The following LYPLAL1 variants were observed in gnomAD, a reference collection of about 807,000 sequenced individuals.
LYPLAL1 encodes the protein lysophospholipase like 1.
Under a neutral mutation model 19.7 loss-of-function variants are expected in LYPLAL1, and 23 were observed. That is an observed-to-expected ratio of 1.17 (90% CI 0.84 to 1.65). The LOEUF is 1.65. LYPLAL1 is among the 40% of genes most tolerant of loss of function. LYPLAL1 has a pLI of 0.00. For synonymous variants in LYPLAL1, 119 were observed against 96.3 expected, an observed-to-expected ratio of 1.24 and a Z score of -1.38; for missense variants, 355 against 279.4, an observed-to-expected ratio of 1.27 and a Z score of -1.93.
chr1:219,405,006 A>T, the LYPLAL1 span, among the ~76,000 whole-genome samples: 2 of 152,366 alleles, frequency 1.3e-5, no homozygotes, highest in East Asian at 3.9e-4. Flanking sequence ...CATAGATAGT[A>T]ACTTTCACCT....
the LYPLAL1 span, among the ~76,000 whole-genome samples, chr1:219,258,032 T>C: frequency 1.3e-5 from 2 of 152,014 alleles, no homozygotes; most frequent in Non-Finnish European, 2.9e-5. Flanking sequence ...ACATGTCTGT[T>C]TATAGGCTCT....
chr1:219,344,203 T>C, the LYPLAL1 span, among the ~76,000 whole-genome samples: 1 of 152,188 alleles, frequency 6.6e-6, no homozygotes, highest in African/African-American at 2.4e-5. Flanking sequence ...TGTCTTCCCC[T>C]ACACCATTTG....
At chr1:219,279,268 G>T in the LYPLAL1 span, among the ~76,000 whole-genome samples, 1 of 152,112 alleles carries the variant, frequency 6.6e-6, no homozygotes, top group Non-Finnish European at 1.5e-5. Context: ...TGGCATAGTA[G>T]GTACCAATGC....
the LYPLAL1 span, among the ~76,000 whole-genome samples, chr1:219,239,986 C>A: frequency 6.6e-6 from 1 of 152,202 alleles, no homozygotes; most frequent in African/African-American, 2.4e-5. Flanking sequence ...TATCATTAAA[C>A]CTTGTCAAAC....
the LYPLAL1 span, chr1:219,435,039 C>T: frequency 6.6e-6 from 1 of 152,300 alleles, no homozygotes; most frequent in East Asian, 1.9e-4. Flanking sequence ...ACATGCAGCA[C>T]ACTCTGCGTG....
the LYPLAL1 span, chr1:219,435,558 C>T: frequency 6.6e-6 from 1 of 152,156 alleles, no homozygotes; most frequent in African/African-American, 2.4e-5. Context: ...TGCGGTGGCT[C>T]ATGCCTGTAA....
At chr1:219,278,287 C>T in the LYPLAL1 span, among the ~76,000 whole-genome samples, 1 of 152,026 alleles carries the variant, frequency 6.6e-6, no homozygotes, top group East Asian at 1.9e-4. Flanking sequence ...TGTCTGAGGA[C>T]TCATAATGTG....
chr1:219,306,773 G>A, the LYPLAL1 span, among the ~76,000 whole-genome samples: 1 of 150,834 alleles, frequency 6.6e-6, no homozygotes, highest in African/African-American at 2.4e-5. Flanking sequence ...TAGATAGATA[G>A]ATAGATAGAT....
the LYPLAL1 span, among the ~76,000 whole-genome samples, chr1:219,400,569 C>T: frequency 2.0e-4 from 30 of 151,670 alleles, no homozygotes; most frequent in Middle Eastern, 3.4e-3. Flanking sequence ...GATCTCAGCT[C>T]ACTGCAACCT....
chr1:219,211,168 C>A (rs1274998103), intron 4 of LYPLAL1, among the ~76,000 whole-genome samples: 2 of 152,062 alleles, frequency 1.3e-5, no homozygotes, highest in Non-Finnish European at 2.9e-5. Context: ...GCTGTGTACT[C>A]CTCCCTCCTT....
the LYPLAL1 span, among the ~76,000 whole-genome samples, chr1:219,262,986 C>T: frequency 1.3e-5 from 2 of 152,158 alleles, no homozygotes; most frequent in Non-Finnish European, 2.9e-5. Flanking sequence ...GTGGCACTTT[C>T]AAGAGAGCAC....
the LYPLAL1 span, among the ~76,000 whole-genome samples, chr1:219,268,482 TGAAAGCTAAAGTCA>T: frequency 1.3e-5 from 2 of 152,110 alleles, no homozygotes; most frequent in South Asian, 4.2e-4. Context: ...GAGAAAGAAG[TGAAAGCTAAAGTCA>T]GAAAGGTAAT....
the LYPLAL1 span, among the ~76,000 whole-genome samples, chr1:219,325,152 G>T: frequency 6.6e-6 from 1 of 152,174 alleles, no homozygotes; most frequent in Non-Finnish European, 1.5e-5. Context: ...GGTCAGGCCA[G>T]ATTTAATCTA....
chr1:219,437,585 C>T, the LYPLAL1 span, among the ~76,000 whole-genome samples: 9 of 151,936 alleles, frequency 5.9e-5, no homozygotes, highest in African/African-American at 2.2e-4. Flanking sequence ...GGTACCTCTC[C>T]CAAACTGGAG....
At chr1:219,254,606 C>A in the LYPLAL1 span, among the ~76,000 whole-genome samples, 1 of 151,986 alleles carries the variant, frequency 6.6e-6, no homozygotes, top group Non-Finnish European at 1.5e-5. Context: ...AACATAGGCC[C>A]CCAGTTTCTT....
chr1:219,341,326 T>C, the LYPLAL1 span, among the ~76,000 whole-genome samples: 1 of 152,210 alleles, frequency 6.6e-6, no homozygotes, highest in Non-Finnish European at 1.5e-5. Context: ...TTATGCTAGT[T>C]CTAGAATACA....
the LYPLAL1 span, among the ~76,000 whole-genome samples, chr1:219,430,647 G>A: frequency 6.6e-6 from 1 of 152,184 alleles, no homozygotes; most frequent in Non-Finnish European, 1.5e-5. Flanking sequence ...TCTCTGTAGT[G>A]ATTGCCCTTG....
chr1:219,373,862 TCAAAAAAAAAAAAAAAAAA>T, the LYPLAL1 span, among the ~76,000 whole-genome samples: 2 of 9,258 alleles, frequency 2.2e-4, no homozygotes, highest in Non-Finnish European at 5.0e-4. Flanking sequence ...GATAAAATTG[TCAAAAAAAAAAAAAAAAAA>T]CAAAAAAAAA....
At chr1:219,297,954 C>T in the LYPLAL1 span, among the ~76,000 whole-genome samples, 17 of 152,150 alleles carry the variant, frequency 1.1e-4, no homozygotes, top group Admixed American at 1.0e-3. Context: ...TAGATAGAGA[C>T]TCAGAGAGGT....
Sources: allele counts gnomAD v4.1 joint callset (sites outside exome capture counted in the v4.1 genomes callset), GRCh38; gene constraint gnomAD v4.1.1; transcripts MANE v1.5; gene names NCBI Gene and HGNC (gene_info 2026-07-23, HGNC 2026-07-21).